Variants in PTPRD observed in about 807,000 individuals in gnomAD.
PTPRD encodes receptor-type tyrosine-protein phosphatase delta.
In PTPRD, 34 loss-of-function variants were observed where a neutral mutation model predicts 214.5. The ratio of observed to expected loss-of-function variants is 0.16; its 90% CI spans 0.12 to 0.21. The LOEUF (loss-of-function observed/expected upper bound fraction) is 0.21. Ranked by LOEUF, PTPRD falls within the 10% of genes least tolerant of loss-of-function variation. PTPRD has a pLI of 1.00. For synonymous variants in PTPRD, 1,128 were observed against 845.7 expected, an observed-to-expected ratio of 1.33 and a Z score of -5.79; for missense variants, 2,545 against 2,398.7, an observed-to-expected ratio of 1.06 and a Z score of -1.27.
chr9:10,350,083 A>G (rs1597773010), intron 2 of PTPRD, among the ~76,000 whole-genome samples: 1 of 152,250 alleles, frequency 6.6e-6, no homozygotes, highest in Admixed American at 6.5e-5. Context: ...ATGTGACACT[A>G]TTGATTAGAC....
chr9:8,698,347 G>A (rs1391348821), intron 12 of PTPRD, among the ~76,000 whole-genome samples: 1 of 152,186 alleles, frequency 6.6e-6, no homozygotes, highest in South Asian at 2.1e-4. Context: ...CAGCGAAGAC[G>A]ACAGTTAGTG....
chr9:8,874,630 A>G (rs140754209), intron 11 of PTPRD, among the ~76,000 whole-genome samples: 344 of 152,198 alleles, frequency 2.3e-3, no homozygotes, highest in African/African-American at 7.8e-3. Context: ...TCCCTAATTT[A>G]TCATAATGGA....
chr9:10,571,081 T>G (rs2067286133), intron 2 of PTPRD, among the ~76,000 whole-genome samples: 1 of 152,086 alleles, frequency 6.6e-6, no homozygotes, highest in African/African-American at 2.4e-5. Flanking sequence ...TAGTGAAGTA[T>G]TTTTTAAAAT....
intron 2 of PTPRD, among the ~76,000 whole-genome samples, chr9:10,350,224 T>C (rs1228418902): frequency 1.3e-5 from 2 of 152,160 alleles, no homozygotes; most frequent in Admixed American, 1.3e-4. Flanking sequence ...TTTAAATGTT[T>C]CAGGCATTAA....
In PTPRD at chr9:9,153,142, G is replaced by C. The variant is rs2099878320; in HGVS notation, c.-143+30162C>G. On this transcript the variant is annotated intron_variant, in intron 10 of 45. Transcript: ENST00000381196. ...GTGCGTTCACGAAATGTGAAGGAGG[G>C]AATTAAACCTGTAACTCAGCCAGTT... is the stretch of plus-strand genomic sequence containing the variant. 2.6e-5 allele frequency among the ~76,000 whole-genome samples: 4 copies of C among 152,144 alleles called. No individual in the cohort carries two copies. In the South Asian group the frequency reaches 8.3e-4, roughly 32 times the overall value.
intron 27 of PTPRD, among the ~76,000 whole-genome samples, chr9:8,489,802 A>G: frequency 6.6e-6 from 1 of 152,214 alleles, no homozygotes; most frequent in Non-Finnish European, 1.5e-5. Flanking sequence ...ACAGATTGGC[A>G]ATGGAACTCA....
intron 11 of PTPRD, among the ~76,000 whole-genome samples, chr9:8,843,365 G>A (rs769655323): frequency 6.6e-6 from 1 of 152,164 alleles, no homozygotes; most frequent in Non-Finnish European, 1.5e-5. Flanking sequence ...TCCTGCTAGA[G>A]TCAACGAGTA....
At chr9:8,889,990 T>C (rs748538907) in intron 11 of PTPRD, among the ~76,000 whole-genome samples, 34 of 152,210 alleles carry the variant, frequency 2.2e-4, no homozygotes, top group Non-Finnish European at 4.4e-4. Context: ...GTGGGATTGC[T>C]GGATCAAATG....
chr9:10,587,616 T>C (rs1165151708), intron 2 of PTPRD, among the ~76,000 whole-genome samples: 2 of 152,014 alleles, frequency 1.3e-5, no homozygotes, highest in East Asian at 3.9e-4. Flanking sequence ...TTCAGAAAAA[T>C]TATCTGAGAT....
At chr9:8,377,165 A>G (rs190411325) in intron 37 of PTPRD, among the ~76,000 whole-genome samples, 1 of 152,292 alleles carries the variant, frequency 6.6e-6, no homozygotes, top group East Asian at 1.9e-4. Context: ...ATGCTTGTTT[A>G]AAGAAAAGTA....
chr9:9,283,387 G>A (rs1948401684), intron 9 of PTPRD, among the ~76,000 whole-genome samples: 1 of 151,464 alleles, frequency 6.6e-6, no homozygotes, highest in African/African-American at 2.4e-5. Context: ...TTCCCAGGAG[G>A]AAATGTCCCA....
rs534390271 is a variant in PTPRD, at chr9:8,438,156, C to T, written c.3989-1467G>A. Among the ~76,000 whole-genome samples, 14 of 152,266 alleles carry T rather than the reference C, an allele frequency of 9.2e-5. 1 individual carries two copies. The highest frequency in any genetic ancestry group is 3.1e-4 in the African/African-American group (13 of 41,550). ...AATGATGGCCATTGAGTCAACATGA[C>T]ATGTGACTACTTTAAGAGCATTTTA... On this transcript the variant is annotated intron_variant, in intron 34 of 45. Coordinates refer to ENST00000381196, the MANE Select transcript of PTPRD (RefSeq NM_002839.4).
chr9:10,169,292 G>A (rs1839031709), intron 3 of PTPRD, among the ~76,000 whole-genome samples: 1 of 151,358 alleles, frequency 6.6e-6, no homozygotes, highest in South Asian at 2.1e-4. Flanking sequence ...GGCTAACACA[G>A]TGAAACCCCG....
intron 20 of PTPRD, among the ~76,000 whole-genome samples, 199 bp from the exon 21 acceptor site, chr9:8,518,628 T>A (rs2097830397): frequency 3.9e-5 from 6 of 152,216 alleles, no homozygotes; most frequent in Admixed American, 3.9e-4. Flanking sequence ...CCTGCTTTCC[T>A]AGAAGGGCTT....
At chr9:10,075,598 T>C (rs1018319973) in intron 3 of PTPRD, among the ~76,000 whole-genome samples, 1 of 152,030 alleles carries the variant, frequency 6.6e-6, no homozygotes, top group African/African-American at 2.4e-5. Context: ...GTCTAGACAG[T>C]ACTTTGTGCA....
At chr9:9,190,092 T>C (rs748377101) in intron 9 of PTPRD, among the ~76,000 whole-genome samples, 2 of 152,088 alleles carry the variant, frequency 1.3e-5, no homozygotes, top group Non-Finnish European at 2.9e-5. Context: ...AGTTCATGTG[T>C]TGGAAACTTA....
At chr9:10,316,180 G>GT (rs2096423581) in intron 3 of PTPRD, among the ~76,000 whole-genome samples, 1 of 101,770 alleles carries the variant, frequency 9.8e-6, no homozygotes, top group African/African-American at 5.1e-5. Flanking sequence ...TATATACATA[G>GT]ATATACATAT....
intron 17 of PTPRD, chr9:8,525,312 G>C: frequency 6.0e-6 from 3 of 501,942 alleles, no homozygotes; most frequent in East Asian, 3.8e-5. Context: ...TTATTTCCTA[G>C]ACTAATAAAA....
chr9:9,898,851 C>T (rs182479578), intron 5 of PTPRD, among the ~76,000 whole-genome samples: 1 of 152,032 alleles, frequency 6.6e-6, no homozygotes, highest in African/African-American at 2.4e-5. Context: ...ATACTAAACC[C>T]ACAGGATTAA....
Sources: gnomAD v4.1 joint callset for allele counts (sites outside exome capture counted in the v4.1 genomes callset) on GRCh38, gnomAD v4.1.1 for gene constraint, MANE v1.5 for transcripts, NCBI Gene and HGNC (gene_info 2026-07-23, HGNC 2026-07-21) for gene names.